YWHAH: variants seen among roughly 807,000 people sequenced by gnomAD.
YWHAH encodes the protein tyrosine 3-monooxygenase/tryptophan 5-monooxygenase activation protein eta, also known as 14-3-3 protein eta.
A neutral mutation model predicts 22.9 loss-of-function variants in YWHAH; 6 were observed. The observed-to-expected ratio is 0.26, with a 90% CI of 0.14 to 0.52. The LOEUF (loss-of-function observed/expected upper bound fraction) is 0.52. Among genes scored for constraint, YWHAH ranks in the 20% least tolerant of loss-of-function variants. The pLI is 0.97. For missense variants in YWHAH, 173 were observed against 308.6 expected, an observed-to-expected ratio of 0.56 and a Z score of 3.29; for synonymous variants, 135 against 124.5, an observed-to-expected ratio of 1.08 and a Z score of -0.56.
At chr22:31,945,431 C>T (rs1398314573) in intron 1 of YWHAH, 3 of 1,303,518 alleles carry the variant, frequency 2.3e-6, no homozygotes, top group Admixed American at 2.3e-5. Context: ...GGTGTGGGGC[C>T]CCACTCCACA....
chr22:31,950,480 C>T (rs995345558), intron 1 of YWHAH: 11 of 769,510 alleles, frequency 1.4e-5, no homozygotes, highest in Non-Finnish European at 2.4e-5. Context: ...GCCTTCAATT[C>T]GGATGCCTCT....
At chr22:31,946,168 A>G (rs2093834281) in intron 1 of YWHAH, among the ~76,000 whole-genome samples, 1 of 152,126 alleles carries the variant, frequency 6.6e-6, no homozygotes, top group African/African-American at 2.4e-5. Flanking sequence ...CGTTGCCCGT[A>G]TGTTGATTTG....
chr22:31,949,870 C>G (rs1365829678), intron 1 of YWHAH, among the ~76,000 whole-genome samples: 3 of 152,120 alleles, frequency 2.0e-5, no homozygotes, highest in African/African-American at 7.2e-5. Flanking sequence ...GGTATATTAA[C>G]CATTGTCAGC....
In YWHAH at chr22:31,956,962, A is replaced by G. The variant is rs930401509; in HGVS notation, c.*170A>G. On this transcript the variant is annotated 3_prime_UTR_variant, in exon 2 of 2. Transcript: ENST00000248975. The surrounding 1 kb of genome is among the most constrained non-coding windows in gnomAD (Gnocchi z 5.1). Reference sequence around the variant, plus strand: ...AAGCAGTTTCAGATAAATCATGGGCATTGCTGGACTGATGGTTGCTTTGAG... The same window carrying G: ...AAGCAGTTTCAGATAAATCATGGGCGTTGCTGGACTGATGGTTGCTTTGAG... The G allele has an allele frequency of 1.2e-6, 1 of 842,044 alleles. No individual in the cohort carries two copies. The highest frequency in any genetic ancestry group is 1.7e-5 in the African/African-American group (1 of 58,670). 52.2% of individuals were successfully genotyped at this position (842,044 alleles called of 1,614,324 possible).
chr22:31,952,229 C>T (rs1428709012), intron 1 of YWHAH, among the ~76,000 whole-genome samples: 5 of 152,222 alleles, frequency 3.3e-5, no homozygotes, highest in African/African-American at 1.2e-4. Context: ...TGGTCGGGGC[C>T]TGGAGAGCAT....
intron 1 of YWHAH, among the ~76,000 whole-genome samples, chr22:31,951,974 G>A (rs908818170): frequency 3.9e-5 from 6 of 152,192 alleles, no homozygotes; most frequent in African/African-American, 1.4e-4. Context: ...GAGGCTGTGA[G>A]CAGGGGTGGC....
chr22:31,945,146 AG>A, intron 1 of YWHAH: 1 of 1,085,314 alleles, frequency 9.2e-7, no homozygotes, highest in African/African-American at 1.7e-5. Flanking sequence ...GACGCGAAGG[AG>A]CCGCATTTCT....
chr22:31,944,943 C>T (rs899422428), intron 1 of YWHAH, 123 bp downstream of exon 1: 5 of 1,022,022 alleles, frequency 4.9e-6, no homozygotes, highest in South Asian at 4.5e-5. Flanking sequence ...CTGGGCGTGG[C>T]CGCCCGCCCG....
chr22:31,950,795 G>A (rs2093842293), intron 1 of YWHAH, among the ~76,000 whole-genome samples: 1 of 152,166 alleles, frequency 6.6e-6, no homozygotes, highest in South Asian at 2.1e-4. Flanking sequence ...GTAGGACTTG[G>A]TCTGTTGGTG....
At position 31,945,981 on chromosome 22, in the gene YWHAH, A is replaced by G. The variant is rs73884242; in HGVS notation, c.87+1161A>G. 7.5e-3 allele frequency among the ~76,000 whole-genome samples: 1,135 copies of G among 152,322 alleles called. 15 individuals are homozygous for G. Among genetic ancestry groups the G allele is most frequent in the African/African-American group, 0.025 (1,057 of 41,578 alleles). ...AAAACTGCCAATACAAAGGCTCCCT[A>G]AAATCTTAAGTCATTTGGAAAGCTC... On this transcript the variant is annotated intron_variant, in intron 1 of 1. Coordinates refer to ENST00000248975, the MANE Select transcript of YWHAH (RefSeq NM_003405.4).
chr22:31,945,251 T>G (rs950389279), intron 1 of YWHAH: 19 of 1,148,854 alleles, frequency 1.7e-5, no homozygotes, highest in Non-Finnish European at 2.1e-5. Flanking sequence ...TGGCGCCCTG[T>G]CTCAGCTGGT....
At chr22:31,945,294 G>T (rs1197636044) in intron 1 of YWHAH, 1 of 1,178,908 alleles carries the variant, frequency 8.5e-7, no homozygotes, top group African/African-American at 1.6e-5. Flanking sequence ...CTGCAATTCC[G>T]ATCTGTTTTG....
chr22:31,954,050 A>G (rs368306255), intron 1 of YWHAH, among the ~76,000 whole-genome samples: 2 of 152,130 alleles, frequency 1.3e-5, no homozygotes, highest in African/African-American at 2.4e-5. Flanking sequence ...TTGAACCACT[A>G]ATTCCCCAAA....
chr22:31,952,416 A>G (rs2093844556), intron 1 of YWHAH, among the ~76,000 whole-genome samples: 1 of 152,172 alleles, frequency 6.6e-6, no homozygotes, highest in African/African-American at 2.4e-5. Context: ...CTGATTTTAC[A>G]TGGGTCTATA....
rs1443029880 is a variant in YWHAH, at chr22:31,950,258, C to T, written c.87+5438C>T. The T allele has an allele frequency of 6.5e-6, 5 of 770,004 alleles. No homozygotes were observed. In the East Asian group the frequency reaches 1.2e-4, roughly 19 times the overall value. 47.7% of individuals were successfully genotyped at this position (770,004 alleles called of 1,614,324 possible). Reference sequence around the variant, plus strand: ...TATTGCCTTTAATGTATTTTTCTCCCTGCACCCTTTAGTATATTTTTATGC... The same window carrying T: ...TATTGCCTTTAATGTATTTTTCTCCTTGCACCCTTTAGTATATTTTTATGC... On this transcript the variant is annotated intron_variant, in intron 1 of 1. Coordinates refer to ENST00000248975, the MANE Select transcript of YWHAH (RefSeq NM_003405.4).
chr22:31,945,193 C>T, intron 1 of YWHAH: 3 of 1,112,446 alleles, frequency 2.7e-6, no homozygotes, highest in South Asian at 4.6e-5. Context: ...GGCTCCCCCT[C>T]TCGTCTTCCT....
chr22:31,945,736 C>T, intron 1 of YWHAH: 1 of 1,190,996 alleles, frequency 8.4e-7, no homozygotes, highest in Non-Finnish European at 1.1e-6. Flanking sequence ...ACAACTGCGA[C>T]CACCAACCTA....
Position 31,956,658 on chromosome 22 carries a change from G to A in YWHAH, c.607G>A (p.Asp203Asn). The A allele has an allele frequency of 6.2e-7, 1 of 1,614,118 alleles. No individual in the cohort carries two copies. The highest frequency in any genetic ancestry group is 8.5e-7 in the Non-Finnish European group (1 of 1,180,026). ...ACLLAKQAFD[D>N]AIAELDTLNE... ...CCTCTTAGCCAAACAAGCCTTCGATGATGCCATAGCTGAGCTGGACACACT... is the reference window on the plus strand; with the variant it reads ...CCTCTTAGCCAAACAAGCCTTCGATAATGCCATAGCTGAGCTGGACACACT... Residue 203 changes from aspartate (D) to asparagine (N), a missense_variant, in exon 2 of 2, where the codon GAT becomes AAT. Asp to Asn is a conservative substitution (Grantham distance 23, BLOSUM62 1). Transcript: ENST00000248975. The surrounding 1 kb of genome is among the most constrained non-coding windows in gnomAD (Gnocchi z 5.1).
At chr22:31,945,554 C>T in intron 1 of YWHAH, 1 of 1,304,172 alleles carries the variant, frequency 7.7e-7, no homozygotes, top group Non-Finnish European at 1.0e-6. Context: ...ATCGATTCTG[C>T]AGCTTCTCCG....
Sources: allele counts gnomAD v4.1 joint callset (sites outside exome capture counted in the v4.1 genomes callset), GRCh38; gene constraint gnomAD v4.1.1; non-coding constraint Gnocchi (gnomAD v3.1); transcripts MANE v1.5; gene names NCBI Gene and HGNC (gene_info 2026-07-23, HGNC 2026-07-21).